The following ALK variants were observed in gnomAD, a reference collection of about 807,000 sequenced individuals.
ALK encodes ALK receptor tyrosine kinase.
In ALK, 74 loss-of-function variants were observed where a neutral mutation model predicts 163.1. The ratio of observed to expected loss-of-function variants is 0.45; its 90% CI spans 0.38 to 0.55. ALK has a LOEUF of 0.55. Among genes scored for constraint, ALK ranks in the 20% least tolerant of loss-of-function variants. The pLI is 0.00. For missense variants in ALK, 2,063 were observed against 2,105.3 expected (o/e 0.98, Z 0.39); for synonymous variants, 960 against 843.2 (o/e 1.14, Z -2.40).
chr2:29,709,382 G>A (rs149460759), intron 2 of ALK, among the ~76,000 whole-genome samples: 4 of 152,272 alleles, frequency 2.6e-5, no homozygotes, highest in African/African-American at 4.8e-5. Context: ...AAGGCTGTAG[G>A]TTGGGAATTG....
chr2:29,261,607 C>T (rs200097817), intron 11 of ALK, among the ~76,000 whole-genome samples: 1 of 152,180 alleles, frequency 6.6e-6, no homozygotes, highest in East Asian at 1.9e-4. Context: ...TGGTCTAGAA[C>T]CTGCCGTTTC....
chr2:29,332,764 C>A (rs1479268405), intron 5 of ALK, among the ~76,000 whole-genome samples: 2 of 152,164 alleles, frequency 1.3e-5, no homozygotes, highest in Non-Finnish European at 2.9e-5. Flanking sequence ...TTTATTTAAA[C>A]ATTATTCAAT....
At chr2:29,713,372 T>C (rs543998359) in intron 2 of ALK, among the ~76,000 whole-genome samples, 4 of 152,228 alleles carry the variant, frequency 2.6e-5, no homozygotes, top group East Asian at 3.9e-4. Context: ...CCAGGGACCA[T>C]AGTCTGGGAT....
rs187635726 is a variant in ALK, at chr2:29,907,858, C to T, written c.667+12135G>A. ...TGCCACACTAGAATTATTGTCATGC[C>T]AACCACTTGCCCCTCAAACCAGATC... On this transcript the variant is annotated intron_variant, in intron 1 of 28. Coordinates refer to ENST00000389048, the MANE Select transcript of ALK (RefSeq NM_004304.5). 2.7e-3 allele frequency among the ~76,000 whole-genome samples: 405 copies of T among 152,244 alleles called. 3 individuals carry two copies. In the Middle Eastern group the frequency reaches 0.037, roughly 14 times the overall value.
rs114636361 is a variant in ALK at position 29,731,822 on chromosome 2, T to C, written c.668-14125A>G. 9.3e-3 allele frequency among the ~76,000 whole-genome samples: 1,422 copies of C among 152,344 alleles called. 30 individuals are homozygous for C. Among genetic ancestry groups the C allele is most frequent in the African/African-American group, 0.031 (1,290 of 41,578 alleles). ...AACAGGTGAATGAACCATGGGCTAA[T>C]TGGATAATACTACATCTATCTCTTA... On this transcript the variant is annotated intron_variant, in intron 1 of 28. Transcript: ENST00000389048.
chr2:29,502,899 A>G (rs1465578992), intron 4 of ALK, among the ~76,000 whole-genome samples: 1 of 152,196 alleles, frequency 6.6e-6, no homozygotes, highest in Non-Finnish European at 1.5e-5. Context: ...CCTCCAGTAA[A>G]ACTAGAGTAA....
intron 4 of ALK, among the ~76,000 whole-genome samples, chr2:29,444,256 A>C (rs1034220353): frequency 1.5e-4 from 23 of 152,268 alleles, no homozygotes; most frequent in East Asian, 3.9e-4. Context: ...TATGGGCAGG[A>C]ACATGAAGGA....
At chr2:29,717,140 C>T (rs573465271) in intron 2 of ALK, among the ~76,000 whole-genome samples, 8 of 142,012 alleles carry the variant, frequency 5.6e-5, no homozygotes, top group African/African-American at 1.8e-4. Flanking sequence ...CCACTGCACT[C>T]CAGCCTGGGC....
chr2:29,588,266 CTG>C (rs1674945677), intron 3 of ALK, among the ~76,000 whole-genome samples: 1 of 152,118 alleles, frequency 6.6e-6, no homozygotes, highest in Non-Finnish European at 1.5e-5. Flanking sequence ...GAGTCTCACT[CTG>C]TCGCCCAGGC....
At chr2:29,919,767 T>C (rs1020133353) in intron 1 of ALK, among the ~76,000 whole-genome samples, 8 of 152,158 alleles carry the variant, frequency 5.3e-5, no homozygotes, top group Admixed American at 1.3e-4. Flanking sequence ...ATGAAACTTT[T>C]CCCCCAACTT....
chr2:29,540,550 T>C (rs1673385019), intron 3 of ALK, among the ~76,000 whole-genome samples: 1 of 149,878 alleles, frequency 6.7e-6, no homozygotes, highest in Admixed American at 6.7e-5. Flanking sequence ...TTGTCTTTGG[T>C]AGAAATAAAG....
chr2:29,819,065 T>A (rs796083984), intron 1 of ALK, among the ~76,000 whole-genome samples: 2 of 152,314 alleles, frequency 1.3e-5, no homozygotes, highest in African/African-American at 4.8e-5. Context: ...ATCTTGTTGC[T>A]GAAAGTGTAG....
At chr2:29,277,469 A>G (rs962254945) in intron 9 of ALK, among the ~76,000 whole-genome samples, 2 of 152,268 alleles carry the variant, frequency 1.3e-5, no homozygotes, top group South Asian at 2.1e-4. Context: ...CCATACATTT[A>G]TCTGTGCTTT....
At chr2:29,916,470 C>T (rs979698106) in intron 1 of ALK, among the ~76,000 whole-genome samples, 5 of 152,290 alleles carry the variant, frequency 3.3e-5, no homozygotes, top group Non-Finnish European at 7.4e-5. Context: ...GGACTAGTTC[C>T]AATTCTCCCA....
intron 1 of ALK, among the ~76,000 whole-genome samples, chr2:29,795,990 T>C (rs1341319961): frequency 1.3e-5 from 2 of 152,052 alleles, no homozygotes; most frequent in African/African-American, 4.8e-5. Context: ...TTCTTTTCCT[T>C]CCTAATCTCT....
intron 1 of ALK, among the ~76,000 whole-genome samples, chr2:29,788,156 T>G (rs1363045511): frequency 1.3e-5 from 2 of 152,222 alleles, no homozygotes; most frequent in African/African-American, 4.8e-5. Context: ...TCTTAGCTTA[T>G]CCAGCCATCT....
At chr2:29,847,665 A>G (rs558249102) in intron 1 of ALK, among the ~76,000 whole-genome samples, 1 of 152,272 alleles carries the variant, frequency 6.6e-6, no homozygotes, top group South Asian at 2.1e-4. Context: ...ACGGGAAAAT[A>G]GGTGGATTTT....
At chr2:29,476,438 T>A (rs1671523599) in intron 4 of ALK, among the ~76,000 whole-genome samples, 1 of 151,686 alleles carries the variant, frequency 6.6e-6, no homozygotes, top group Admixed American at 6.6e-5. Flanking sequence ...ATATAGAAAA[T>A]GAATCAAAAT....
chr2:29,717,822 G>A, intron 1 of ALK, 125 bp from the exon 2 acceptor site: 1 of 1,343,490 alleles, frequency 7.4e-7, no homozygotes, highest in Non-Finnish European at 1.1e-6. Flanking sequence ...GAAGATGAGG[G>A]GGAAAAAATT....
Sources: gnomAD v4.1 joint callset for allele counts (sites outside exome capture counted in the v4.1 genomes callset) on GRCh38, gnomAD v4.1.1 for gene constraint, MANE v1.5 for transcripts, NCBI Gene and HGNC (gene_info 2026-07-23, HGNC 2026-07-21) for gene names.